LRP1B: variants seen among roughly 807,000 people sequenced by gnomAD.
LRP1B encodes the protein LDL receptor related protein 1B, also known as low-density lipoprotein receptor-related protein 1B.
LRP1B carries 217 observed loss-of-function variants against 556.6 expected under a neutral mutation model. The ratio of observed to expected loss-of-function variants is 0.39; its 90% CI spans 0.35 to 0.44. The LOEUF is 0.44. Among genes scored for constraint, LRP1B ranks in the 20% least tolerant of loss-of-function variants. LRP1B has a pLI of 1.00. For synonymous variants in LRP1B, 2,047 were observed against 1,865.8 expected, an observed-to-expected ratio of 1.10 and a Z score of -2.50; for missense variants, 5,053 against 5,620.8, an observed-to-expected ratio of 0.90 and a Z score of 3.23.
chr2:140,955,265 G>A (rs1347568842), intron 18 of LRP1B, among the ~76,000 whole-genome samples: 3 of 151,718 alleles, frequency 2.0e-5, no homozygotes, highest in African/African-American at 7.3e-5. Context: ...CATTTTTCCT[G>A]TTCTTTCATA....
At chr2:140,616,939 TACTA>T (rs1408846202) in intron 41 of LRP1B, among the ~76,000 whole-genome samples, 2 of 151,910 alleles carry the variant, frequency 1.3e-5, no homozygotes, top group Non-Finnish European at 2.9e-5. Flanking sequence ...GAAGCAGCAA[TACTA>T]ACTTTCTCAA....
At chr2:141,956,435 T>C (rs1178686086) in intron 1 of LRP1B, among the ~76,000 whole-genome samples, 1 of 152,104 alleles carries the variant, frequency 6.6e-6, no homozygotes, top group Non-Finnish European at 1.5e-5. Context: ...GTGGTTGGTC[T>C]TTTTCCTACT....
intron 86 of LRP1B, among the ~76,000 whole-genome samples, chr2:140,263,862 C>T (rs1040445151): frequency 2.0e-5 from 3 of 150,234 alleles, no homozygotes; most frequent in African/African-American, 7.4e-5. Context: ...CATTACCCAA[C>T]TCCAAAGCCA....
chr2:141,154,239 A>G (rs1469238979), intron 7 of LRP1B, among the ~76,000 whole-genome samples: 1 of 151,920 alleles, frequency 6.6e-6, no homozygotes, highest in East Asian at 1.9e-4. Flanking sequence ...CATGCAAGTC[A>G]ACAATAAACA....
intron 1 of LRP1B, among the ~76,000 whole-genome samples, chr2:141,887,288 G>A (rs1699156490): frequency 6.6e-6 from 1 of 152,174 alleles, no homozygotes; most frequent in Admixed American, 6.5e-5. Flanking sequence ...GTGCCCCCGT[G>A]CCCAGCCCGG....
intron 24 of LRP1B, among the ~76,000 whole-genome samples, chr2:140,885,078 A>G (rs1248432003): frequency 1.3e-5 from 2 of 152,162 alleles, no homozygotes; most frequent in Admixed American, 1.3e-4. Flanking sequence ...TAACATTGCT[A>G]CCACAGCAGT....
chr2:141,539,844 G>C (rs1484220613), intron 2 of LRP1B, among the ~76,000 whole-genome samples: 1 of 152,038 alleles, frequency 6.6e-6, no homozygotes, highest in Non-Finnish European at 1.5e-5. Flanking sequence ...CAAATCTTTT[G>C]ACCTTTTTCA....
chr2:142,076,770 T>TC (rs1286348121), intron 1 of LRP1B, among the ~76,000 whole-genome samples: 1 of 152,106 alleles, frequency 6.6e-6, no homozygotes, highest in Non-Finnish European at 1.5e-5. Context: ...TAATACTTTT[T>TC]CTCTTAATAT....
chr2:140,463,848 G>C (rs188910593), intron 60 of LRP1B, among the ~76,000 whole-genome samples: 4 of 152,234 alleles, frequency 2.6e-5, no homozygotes, highest in African/African-American at 9.6e-5. Flanking sequence ...CCTTAGTATA[G>C]TAGTTTATAC....
At chr2:140,672,407 C>T (rs923206657) in intron 41 of LRP1B, among the ~76,000 whole-genome samples, 2 of 149,928 alleles carry the variant, frequency 1.3e-5, no homozygotes, top group African/African-American at 4.9e-5. Flanking sequence ...TCGCTTGAAC[C>T]CAGGAAGCAG....
chr2:140,788,219 TCAACAA>T (rs1017650989), intron 32 of LRP1B, among the ~76,000 whole-genome samples: 3 of 151,812 alleles, frequency 2.0e-5, no homozygotes, highest in Non-Finnish European at 4.4e-5. Context: ...AATGAATGAG[TCAACAA>T]CAACAACAAC....
intron 3 of LRP1B, among the ~76,000 whole-genome samples, chr2:141,323,744 A>G (rs1357987782): frequency 6.6e-6 from 1 of 152,068 alleles, no homozygotes; most frequent in Non-Finnish European, 1.5e-5. Flanking sequence ...TCCACTCATC[A>G]CTAGTTTTCT....
chr2:141,539,770 A>T (rs1685189434), intron 2 of LRP1B, among the ~76,000 whole-genome samples: 1 of 152,200 alleles, frequency 6.6e-6, no homozygotes, highest in Admixed American at 6.5e-5. Context: ...TAAGCAAGGT[A>T]TTGTTCCAAT....
At chr2:141,564,178 G>T (rs1036655189) in intron 2 of LRP1B, among the ~76,000 whole-genome samples, 17 of 152,094 alleles carry the variant, frequency 1.1e-4, no homozygotes, top group African/African-American at 3.9e-4. Context: ...TTTTGAAAAA[G>T]ATTCTAGTAC....
At chr2:141,710,157 T>C (rs1692306632) in intron 2 of LRP1B, among the ~76,000 whole-genome samples, 1 of 152,180 alleles carries the variant, frequency 6.6e-6, no homozygotes, top group Non-Finnish European at 1.5e-5. Flanking sequence ...CAACCAGCAT[T>C]GCCTTTGTAT....
intron 3 of LRP1B, among the ~76,000 whole-genome samples, chr2:141,320,419 T>C (rs1407233140): frequency 6.6e-6 from 1 of 152,104 alleles, no homozygotes; most frequent in Non-Finnish European, 1.5e-5. Flanking sequence ...TTTAAATTCC[T>C]CATTCTCAAT....
At chr2:140,580,490 G>T (rs568350978) in intron 43 of LRP1B, among the ~76,000 whole-genome samples, 78 of 152,232 alleles carry the variant, frequency 5.1e-4, no homozygotes, top group African/African-American at 1.8e-3. Flanking sequence ...TAAATCTTAA[G>T]TTTGAAAAAA....
At chr2:140,927,140 A>G (rs1694909673) in intron 20 of LRP1B, among the ~76,000 whole-genome samples, 1 of 152,126 alleles carries the variant, frequency 6.6e-6, no homozygotes, top group Non-Finnish European at 1.5e-5. Flanking sequence ...CCCCATCTCT[A>G]CTAAATATAC....
At chr2:142,074,967 A>G (rs1705446352) in intron 1 of LRP1B, among the ~76,000 whole-genome samples, 1 of 152,094 alleles carries the variant, frequency 6.6e-6, no homozygotes, top group South Asian at 2.1e-4. Flanking sequence ...TCCATTCCAC[A>G]AAAACTTCTA....
Sources: allele counts gnomAD v4.1 joint callset (sites outside exome capture counted in the v4.1 genomes callset), GRCh38; gene constraint gnomAD v4.1.1; transcripts MANE v1.5; gene names NCBI Gene and HGNC (gene_info 2026-07-23, HGNC 2026-07-21).